Variants in FAT4 observed in about 807,000 individuals in gnomAD.
FAT4 encodes FAT atypical cadherin 4, also known as protocadherin Fat 4.
Under a neutral mutation model 303.9 loss-of-function variants are expected in FAT4, and 84 were observed. The ratio of observed to expected loss-of-function variants is 0.28; its 90% CI spans 0.23 to 0.33. FAT4 has a LOEUF of 0.33. Ranked by LOEUF, FAT4 falls within the 10% of genes least tolerant of loss-of-function variation. The pLI is 1.00. For synonymous variants in FAT4, 2,307 were observed against 2,298.8 expected (o/e 1.00, Z -0.10); for missense variants, 6,005 against 6,146.8 (o/e 0.98, Z 0.77).
At chr4:125,329,545 A>C (rs1247238758) in intron 2 of FAT4, among the ~76,000 whole-genome samples, 1 of 152,126 alleles carries the variant, frequency 6.6e-6, no homozygotes, top group African/African-American at 2.4e-5. Context: ...CAGTTCTTGC[A>C]GTCTTTCTCT....
intron 2 of FAT4, among the ~76,000 whole-genome samples, chr4:125,334,520 G>A (rs977418433): frequency 1.2e-4 from 19 of 152,162 alleles, no homozygotes; most frequent in Non-Finnish European, 2.6e-4. Flanking sequence ...GGGATCTCCT[G>A]TCTTCAAATT....
chr4:125,334,274 C>A (rs184653604), intron 2 of FAT4, among the ~76,000 whole-genome samples: 1 of 152,034 alleles, frequency 6.6e-6, no homozygotes, highest in African/African-American at 2.4e-5. Context: ...TATGCAAATG[C>A]GGCTTCAAGA....
chr4:125,442,439 A>T (rs1725693024), intron 8 of FAT4, among the ~76,000 whole-genome samples: 1 of 152,116 alleles, frequency 6.6e-6, no homozygotes, highest in African/African-American at 2.4e-5. Context: ...ATCTAAATAT[A>T]GGTTGAGCAT....
At chr4:125,364,592 G>A (rs1046451149) in intron 2 of FAT4, among the ~76,000 whole-genome samples, 5 of 151,946 alleles carry the variant, frequency 3.3e-5, no homozygotes, top group African/African-American at 4.8e-5. Context: ...ACGAAGGATC[G>A]CTTGAATTAA....
At chr4:125,411,055 A>G (rs1286271358) in intron 5 of FAT4, among the ~76,000 whole-genome samples, 1 of 152,060 alleles carries the variant, frequency 6.6e-6, no homozygotes, top group African/African-American at 2.4e-5. Flanking sequence ...TGTTTCACAG[A>G]CAATATTAGT....
Position 125,407,160 on chromosome 4 carries a change from A to T in FAT4, c.5569+19A>T, listed in dbSNP as rs752740147. ...ATCCCTGGTAGGTGATGGGTCTCTTATGTGTATTTTGCAAGAATCGCTTTT... is the reference window on the plus strand; with the variant it reads ...ATCCCTGGTAGGTGATGGGTCTCTTTTGTGTATTTTGCAAGAATCGCTTTT... On this transcript the variant is annotated intron_variant, in intron 4 of 17. Coordinates refer to ENST00000394329, the MANE Select transcript of FAT4 (RefSeq NM_001291303.3). 5.7e-6 allele frequency: 9 copies of T among 1,586,984 alleles called. No individual in the cohort carries two copies. The highest frequency in any genetic ancestry group is 2.3e-5 in the South Asian group (2 of 88,492).
intron 10 of FAT4, among the ~76,000 whole-genome samples, chr4:125,460,358 G>A (rs1055231892): frequency 7.2e-5 from 11 of 151,904 alleles, no homozygotes; most frequent in Admixed American, 3.9e-4. Flanking sequence ...CACAGGGTTC[G>A]TTATACAGAT....
rs1244701706 is a variant in FAT4, at chr4:125,319,291, C to G, written c.2880C>G (p.Gly960=). The change falls in exon 2 of 18, where the codon GGC becomes GGG. Residue 960 remains glycine (G), a synonymous_variant. Transcript: ENST00000394329. ...TTGGGCCCCTGGATGTTCATGCTGG[C>G]TCCTACCAAATAGAGATCTTGGCAT... The part of the protein sequence containing the change: ...SLLGPLDVHA[G]SYQIEILASD... 6.2e-7 allele frequency: 1 copy of G among 1,613,974 alleles called. No individual in the cohort carries two copies. The highest frequency in any genetic ancestry group is 1.3e-5 in the African/African-American group (1 of 74,918).
At chr4:125,347,764 T>C (rs568555005) in intron 2 of FAT4, among the ~76,000 whole-genome samples, 1 of 151,966 alleles carries the variant, frequency 6.6e-6, no homozygotes, top group Admixed American at 6.6e-5. Context: ...TTTCAGTACA[T>C]ACTTACTAAA....
intron 2 of FAT4, among the ~76,000 whole-genome samples, chr4:125,329,109 T>C (rs1299587789): frequency 6.6e-6 from 1 of 152,252 alleles, no homozygotes; most frequent in Non-Finnish European, 1.5e-5. Flanking sequence ...TTCTTCATTT[T>C]GCTTTCTAAA....
intron 16 of FAT4, among the ~76,000 whole-genome samples, chr4:125,485,156 G>A (rs28826647): frequency 0.17 from 26,336 of 152,084 alleles, 2,442 homozygotes; most frequent in Admixed American, 0.21. Context: ...GAAGGCCTAA[G>A]ACATTATTAT....
intron 7 of FAT4, among the ~76,000 whole-genome samples, chr4:125,428,617 A>C (rs896269989): frequency 6.6e-6 from 1 of 152,174 alleles, no homozygotes; most frequent in Admixed American, 6.5e-5. Context: ...GTGAAAACTG[A>C]AGAAGAATTT....
intron 17 of FAT4, among the ~76,000 whole-genome samples, chr4:125,489,286 C>T (rs1188905350): frequency 6.6e-6 from 1 of 152,174 alleles, no homozygotes; most frequent in East Asian, 1.9e-4. Flanking sequence ...TATCATTCCC[C>T]TAAGGAGACA....
intron 3 of FAT4, among the ~76,000 whole-genome samples, chr4:125,405,516 C>CT (rs879308915): frequency 5.2e-4 from 75 of 144,528 alleles, no homozygotes; most frequent in South Asian, 3.3e-3. Context: ...ACTTGTTGGC[C>CT]TTTTTTTTTT....
At chr4:125,459,997 T>C (rs1452525809) in intron 10 of FAT4, among the ~76,000 whole-genome samples, 1 of 152,118 alleles carries the variant, frequency 6.6e-6, no homozygotes, top group Non-Finnish European at 1.5e-5. Flanking sequence ...AAGCTTTCTT[T>C]TGATTCTAAG....
chr4:125,345,862 A>G (rs1731979668), intron 2 of FAT4, among the ~76,000 whole-genome samples: 1 of 152,104 alleles, frequency 6.6e-6, no homozygotes, highest in Admixed American at 6.6e-5. Flanking sequence ...AGAGAACGGT[A>G]TTAGTGTCAC....
chr4:125,339,431 C>T (rs953604367), intron 2 of FAT4, among the ~76,000 whole-genome samples: 8 of 151,974 alleles, frequency 5.3e-5, no homozygotes, highest in Non-Finnish European at 1.2e-4. Context: ...CTTCTGACCT[C>T]GTGATCCGCC....
intron 2 of FAT4, among the ~76,000 whole-genome samples, chr4:125,393,029 T>C (rs1252098626): frequency 6.6e-6 from 1 of 152,224 alleles, no homozygotes; most frequent in East Asian, 1.9e-4. Flanking sequence ...TGATGATATT[T>C]AACATTCCTA....
In FAT4 at chr4:125,449,692, T is replaced by C; in HGVS notation, c.8682T>C (p.Thr2894=). 1.2e-6 allele frequency: 2 copies of C among 1,613,958 alleles called. No homozygotes were observed. Among genetic ancestry groups the C allele is most frequent in the Non-Finnish European group, 1.7e-6 (2 of 1,179,936 alleles). The change falls in exon 10 of 18, where the codon ACT becomes ACC. Residue 2894 remains threonine (T), a synonymous_variant. Coordinates refer to ENST00000394329, the MANE Select transcript of FAT4 (RefSeq NM_001291303.3). The part of the protein sequence containing the change: ...PELTEIGSKV[T]QVFATDPDEG... ...TTACTGAGATTGGCTCCAAAGTAAC[T>C]CAGGTATTTGCAACAGATCCTGATG... is the stretch of plus-strand genomic sequence containing the variant.
Sources: gnomAD v4.1 joint callset for allele counts (sites outside exome capture counted in the v4.1 genomes callset) on GRCh38, gnomAD v4.1.1 for gene constraint, MANE v1.5 for transcripts, NCBI Gene and HGNC (gene_info 2026-07-23, HGNC 2026-07-21) for gene names.